The following CBLB variants were observed in gnomAD, a reference collection of about 807,000 sequenced individuals.
The protein encoded by CBLB is E3 ubiquitin-protein ligase CBL-B.
CBLB carries 31 observed loss-of-function variants against 104.9 expected under a neutral mutation model. That is an observed-to-expected ratio of 0.30 (90% CI 0.22 to 0.40). CBLB has a LOEUF of 0.40. CBLB is among the 10% of genes least tolerant of loss of function. CBLB has a pLI of 1.00. For missense variants in CBLB, 1,062 were observed against 1,214.6 expected (o/e 0.87, Z 1.87); for synonymous variants, 440 against 422.6 (o/e 1.04, Z -0.51).
intron 17 of CBLB, among the ~76,000 whole-genome samples, chr3:105,675,433 C>T (rs556148495): frequency 5.1e-4 from 77 of 152,194 alleles, no homozygotes; most frequent in African/African-American, 1.8e-3. Context: ...GTATTAAATA[C>T]TTTGCAAAAC....
At chr3:105,818,603 T>A (rs2085384535) in intron 3 of CBLB, among the ~76,000 whole-genome samples, 1 of 152,186 alleles carries the variant, frequency 6.6e-6, no homozygotes, top group African/African-American at 2.4e-5. Context: ...ATGAATAATT[T>A]TTACTTTTTA....
At chr3:105,697,140 C>T (rs1411042861) in intron 12 of CBLB, among the ~76,000 whole-genome samples, 1 of 151,842 alleles carries the variant, frequency 6.6e-6, no homozygotes, top group African/African-American at 2.4e-5. Flanking sequence ...TTTGTATTCC[C>T]CAGAGTGTCT....
At chr3:105,823,870 T>C (rs991861332) in intron 3 of CBLB, among the ~76,000 whole-genome samples, 48 of 152,302 alleles carry the variant, frequency 3.2e-4, no homozygotes, top group African/African-American at 1.2e-3. Context: ...TCCATTCTTA[T>C]AATGTCTCCA....
chr3:105,851,759 A>C (rs961198040), intron 3 of CBLB, among the ~76,000 whole-genome samples: 4 of 152,248 alleles, frequency 2.6e-5, no homozygotes, highest in African/African-American at 9.6e-5. Context: ...TAAAGCTATT[A>C]ATGTTAAAAG....
intron 3 of CBLB, among the ~76,000 whole-genome samples, chr3:105,792,524 G>C (rs1265538072): frequency 6.6e-6 from 1 of 152,074 alleles, no homozygotes; most frequent in Non-Finnish European, 1.5e-5. Context: ...CCCAGTCCTG[G>C]GACAGCGTGT....
At chr3:105,832,287 T>A (rs2087671168) in intron 3 of CBLB, among the ~76,000 whole-genome samples, 1 of 152,170 alleles carries the variant, frequency 6.6e-6, no homozygotes, top group South Asian at 2.1e-4. Context: ...TGAATCAGGA[T>A]AAATAACAAA....
intron 4 of CBLB, among the ~76,000 whole-genome samples, chr3:105,757,580 C>T (rs549586870): frequency 6.6e-6 from 1 of 152,266 alleles, no homozygotes; most frequent in African/African-American, 2.4e-5. Context: ...ATTTCTCACT[C>T]TATATGTATG....
chr3:105,765,587 G>A (rs749088310), intron 4 of CBLB, among the ~76,000 whole-genome samples: 1 of 152,122 alleles, frequency 6.6e-6, no homozygotes, highest in Non-Finnish European at 1.5e-5. Flanking sequence ...ATGACTTTAA[G>A]TTGAACACAA....
intron 3 of CBLB, among the ~76,000 whole-genome samples, chr3:105,778,331 AAAT>A (rs552633156): frequency 4.6e-5 from 7 of 152,160 alleles, no homozygotes; most frequent in Non-Finnish European, 7.3e-5. Context: ...AATAACTGTC[AAAT>A]AATAATAATA....
At chr3:105,736,485 C>T (rs1178899012) in intron 8 of CBLB, among the ~76,000 whole-genome samples, 1 of 152,110 alleles carries the variant, frequency 6.6e-6, no homozygotes, top group Non-Finnish European at 1.5e-5. Flanking sequence ...GAGCTACCTC[C>T]CTCCTGTTCA....
intron 3 of CBLB, among the ~76,000 whole-genome samples, chr3:105,838,936 G>A (rs1279006156): frequency 2.0e-5 from 3 of 152,162 alleles, no homozygotes; most frequent in African/African-American, 2.4e-5. Flanking sequence ...AGTGACTCGA[G>A]ACTGGAAGTG....
At chr3:105,695,875 A>G (rs2301046) in intron 12 of CBLB, among the ~76,000 whole-genome samples, 64,342 of 151,410 alleles carry the variant, frequency 0.42, 14,396 homozygotes, top group East Asian at 0.73. Context: ...TATGCCTTAC[A>G]GTGCTTTACA....
chr3:105,741,344 A>C (rs531268630), intron 6 of CBLB, among the ~76,000 whole-genome samples: 1 of 151,426 alleles, frequency 6.6e-6, no homozygotes, highest in African/African-American at 2.4e-5. Flanking sequence ...GTGTGCCACG[A>C]CGCCCAGCTA....
chr3:105,788,321 A>G (rs543827981), intron 3 of CBLB, among the ~76,000 whole-genome samples: 4 of 152,288 alleles, frequency 2.6e-5, no homozygotes, highest in African/African-American at 9.6e-5. Context: ...TGAAGGTAAT[A>G]TATTACAACG....
At chr3:105,676,738 T>C (rs983408583) in intron 17 of CBLB, among the ~76,000 whole-genome samples, 5 of 152,220 alleles carry the variant, frequency 3.3e-5, no homozygotes, top group Admixed American at 6.5e-5. Context: ...GTGTCCCCAC[T>C]CAAATTTCAT....
At chr3:105,772,096 G>T (rs1006225223) in intron 4 of CBLB, among the ~76,000 whole-genome samples, 1 of 152,086 alleles carries the variant, frequency 6.6e-6, no homozygotes, top group African/African-American at 2.4e-5. Flanking sequence ...AACAAATCTG[G>T]AGGCATCACA....
At chr3:105,757,383 G>C (rs1476173362) in intron 4 of CBLB, among the ~76,000 whole-genome samples, 1 of 152,168 alleles carries the variant, frequency 6.6e-6, no homozygotes, top group African/African-American at 2.4e-5. Context: ...TAATTAGTAT[G>C]ATTTCAACTA....
At chr3:105,659,818 A>T (rs558132988) in intron 18 of CBLB, among the ~76,000 whole-genome samples, 1 of 147,772 alleles carries the variant, frequency 6.8e-6, no homozygotes, top group Non-Finnish European at 1.5e-5. Context: ...ATGCTAGGAG[A>T]AAAAAAAAAC....
upstream of CBLB, chr3:105,869,285 T>A: frequency 1.0e-6 from 1 of 983,856 alleles, no homozygotes; most frequent in Non-Finnish European, 1.5e-6. Flanking sequence ...GGAACGAAAG[T>A]GGAAACGGGA....
Sources: gnomAD v4.1 joint callset for allele counts (sites outside exome capture counted in the v4.1 genomes callset) on GRCh38, gnomAD v4.1.1 for gene constraint, MANE v1.5 for transcripts, NCBI Gene and HGNC (gene_info 2026-07-23, HGNC 2026-07-21) for gene names.